LINGO2: variants seen among roughly 807,000 people sequenced by gnomAD.
LINGO2 encodes leucine rich repeat and Ig domain containing 2.
Under a neutral mutation model 30.6 loss-of-function variants are expected in LINGO2, and 14 were observed. The ratio of observed to expected loss-of-function variants is 0.46; its 90% CI spans 0.30 to 0.72. The LOEUF is 0.72. LINGO2 is among the 30% of genes least tolerant of loss of function. The pLI, the probability that LINGO2 is intolerant of heterozygous loss-of-function variation, is 0.07. For missense variants in LINGO2, 729 were observed against 751.7 expected (o/e 0.97, Z 0.35); for synonymous variants, 317 against 288.5 (o/e 1.10, Z -1.00).
At chr9:28,549,132 T>A (rs921420066) in intron 1 of LINGO2, among the ~76,000 whole-genome samples, 25 of 152,150 alleles carry the variant, frequency 1.6e-4, no homozygotes, top group Admixed American at 9.8e-4. Flanking sequence ...ACAGGTTAAC[T>A]ATTTTCCATC....
chr9:28,149,493 G>A (rs71512424), intron 4 of LINGO2, among the ~76,000 whole-genome samples: 3,090 of 150,564 alleles, frequency 0.021, 89 homozygotes, highest in African/African-American at 0.063. Context: ...AGTGACGAGC[G>A]CCTCTGCCCA....
chr9:28,897,918 A>G, the LINGO2 span, among the ~76,000 whole-genome samples: 3 of 152,158 alleles, frequency 2.0e-5, no homozygotes, highest in Non-Finnish European at 4.4e-5. Context: ...ATCAAAATCA[A>G]ACTTTTCTAA....
At chr9:28,610,476 G>C (rs1197907814) in intron 1 of LINGO2, among the ~76,000 whole-genome samples, 1 of 152,174 alleles carries the variant, frequency 6.6e-6, no homozygotes. Flanking sequence ...GGGAGGTGAT[G>C]AAGTCACGAG....
chr9:28,789,525 A>T, the LINGO2 span, among the ~76,000 whole-genome samples: 1 of 151,658 alleles, frequency 6.6e-6, no homozygotes, highest in African/African-American at 2.4e-5. Context: ...CATATGTTTT[A>T]CTCTCCCTTT....
At chr9:29,179,158 A>AATATATACAT in the LINGO2 span, among the ~76,000 whole-genome samples, 1 of 101,636 alleles carries the variant, frequency 9.8e-6, no homozygotes, top group South Asian at 3.6e-4. Flanking sequence ...TCTTACTGTA[A>AATATATACAT]ATATATATAT....
intron 4 of LINGO2, among the ~76,000 whole-genome samples, chr9:28,089,720 A>G (rs563514973): frequency 8.5e-5 from 13 of 152,232 alleles, no homozygotes; most frequent in African/African-American, 3.1e-4. Context: ...AGATCAGAAC[A>G]GAACTGAAGG....
chr9:28,443,272 G>A (rs912397429), intron 2 of LINGO2, among the ~76,000 whole-genome samples: 1 of 152,186 alleles, frequency 6.6e-6, no homozygotes, highest in Non-Finnish European at 1.5e-5. Flanking sequence ...AATGGATAAT[G>A]TCATTTAAAC....
chr9:28,380,737 G>A (rs927604110), intron 2 of LINGO2, among the ~76,000 whole-genome samples: 27 of 152,180 alleles, frequency 1.8e-4, no homozygotes, highest in African/African-American at 6.3e-4. Flanking sequence ...GTTCAGGAAA[G>A]ATCATTTTGA....
intron 5 of LINGO2, among the ~76,000 whole-genome samples, chr9:27,969,270 G>A (rs997976241): frequency 5.9e-5 from 9 of 152,046 alleles, no homozygotes; most frequent in African/African-American, 2.2e-4. Flanking sequence ...ATAATTCATA[G>A]GTTATGTTTA....
chr9:28,310,462 A>G (rs976785942), intron 3 of LINGO2, among the ~76,000 whole-genome samples: 2 of 152,196 alleles, frequency 1.3e-5, no homozygotes, highest in Non-Finnish European at 2.9e-5. Context: ...AAAAGAATGT[A>G]TACTCTTCAA....
intron 2 of LINGO2, among the ~76,000 whole-genome samples, chr9:28,388,652 G>A (rs1480906645): frequency 6.6e-6 from 1 of 151,942 alleles, no homozygotes; most frequent in Non-Finnish European, 1.5e-5. Context: ...TTATTAATGA[G>A]GTTCACAAGA....
chr9:28,971,019 T>C, the LINGO2 span, among the ~76,000 whole-genome samples: 4 of 152,146 alleles, frequency 2.6e-5, no homozygotes, highest in Non-Finnish European at 5.9e-5. Context: ...GCAGGAGGAC[T>C]GCCTTGCTTC....
intron 2 of LINGO2, among the ~76,000 whole-genome samples, chr9:28,413,973 T>C (rs1822873105): frequency 6.7e-6 from 1 of 149,680 alleles, no homozygotes; most frequent in Non-Finnish European, 1.5e-5. Flanking sequence ...AATTCCCATA[T>C]TAATAGCATT....
At chr9:28,024,761 T>A (rs1003057810) in intron 4 of LINGO2, among the ~76,000 whole-genome samples, 1 of 152,196 alleles carries the variant, frequency 6.6e-6, no homozygotes, top group Non-Finnish European at 1.5e-5. Flanking sequence ...ACATGGTGAA[T>A]GTGAACTTGA....
chr9:28,606,922 T>C (rs1351081710), intron 1 of LINGO2, among the ~76,000 whole-genome samples: 2 of 152,102 alleles, frequency 1.3e-5, no homozygotes, highest in African/African-American at 2.4e-5. Context: ...AAAATATTAA[T>C]TGGCATATTT....
At chr9:28,706,038 T>C in the LINGO2 span, among the ~76,000 whole-genome samples, 1 of 152,060 alleles carries the variant, frequency 6.6e-6, no homozygotes, top group African/African-American at 2.4e-5. Flanking sequence ...TTTCAGACAA[T>C]AAAAATAATT....
chr9:28,293,882 G>C (rs999528749), intron 4 of LINGO2, among the ~76,000 whole-genome samples: 1 of 152,096 alleles, frequency 6.6e-6, no homozygotes, highest in Admixed American at 6.6e-5. Context: ...CATAGAACTC[G>C]GTTTCACTTT....
At chr9:28,619,188 G>T (rs1364324000) in intron 1 of LINGO2, among the ~76,000 whole-genome samples, 4 of 152,120 alleles carry the variant, frequency 2.6e-5, no homozygotes, top group Non-Finnish European at 5.9e-5. Context: ...ATGATGTTCA[G>T]CATTTTAAGC....
At chr9:28,074,755 T>C (rs1407599199) in intron 4 of LINGO2, among the ~76,000 whole-genome samples, 1 of 152,100 alleles carries the variant, frequency 6.6e-6, no homozygotes, top group Admixed American at 6.6e-5. Context: ...CCAATTTTAG[T>C]GGAAAAGCTT....
Sources: allele counts gnomAD v4.1 joint callset (sites outside exome capture counted in the v4.1 genomes callset), GRCh38; gene constraint gnomAD v4.1.1; transcripts MANE v1.5; gene names NCBI Gene and HGNC (gene_info 2026-07-23, HGNC 2026-07-21).